XPO1: variants seen among roughly 807,000 people sequenced by gnomAD.
XPO1 encodes exportin 1, also known as exportin-1.
In XPO1, 5 loss-of-function variants were observed where a neutral mutation model predicts 133.3. The observed-to-expected ratio is 0.04, with a 90% CI of 0.02 to 0.08. The LOEUF (loss-of-function observed/expected upper bound fraction) is 0.08. Ranked by LOEUF, XPO1 falls within the 10% of genes least tolerant of loss-of-function variation. XPO1 has a pLI of 1.00. For missense variants in XPO1, 506 were observed against 1,267.5 expected, an observed-to-expected ratio of 0.40 and a Z score of 9.12; for synonymous variants, 419 against 408.2, an observed-to-expected ratio of 1.03 and a Z score of -0.32.
At chr2:61,506,772 GA>G (rs1176729826) in intron 4 of XPO1, among the ~76,000 whole-genome samples, 1 of 152,018 alleles carries the variant, frequency 6.6e-6, no homozygotes, top group African/African-American at 2.4e-5. Context: ...CTAAGTAGCA[GA>G]AACAGCTCAG....
At chr2:61,494,973 C>G (rs1195609707) in intron 11 of XPO1, among the ~76,000 whole-genome samples, 1 of 151,786 alleles carries the variant, frequency 6.6e-6, no homozygotes, top group Non-Finnish European at 1.5e-5. Context: ...TCCTGAGGAG[C>G]TGGGATTACA....
intron 19 of XPO1, among the ~76,000 whole-genome samples, chr2:61,487,151 A>ATTG (rs1696735814): frequency 1.3e-5 from 2 of 152,090 alleles, no homozygotes; most frequent in South Asian, 4.2e-4. Context: ...AAGTGCTGGG[A>ATTG]TTACAGGCAT....
At chr2:61,525,220 A>G (rs2104773624) in intron 3 of XPO1, 4 of 976,894 alleles carry the variant, frequency 4.1e-6, no homozygotes, top group Non-Finnish European at 4.9e-6. Flanking sequence ...CCCATGAAAC[A>G]AAAACAATTG....
chr2:61,523,218 G>A (rs1698772200), intron 3 of XPO1, among the ~76,000 whole-genome samples: 1 of 152,102 alleles, frequency 6.6e-6, no homozygotes, highest in African/African-American at 2.4e-5. Flanking sequence ...GACAACCCAT[G>A]GGTTTATTTT....
intron 4 of XPO1, among the ~76,000 whole-genome samples, chr2:61,513,495 T>C (rs906528789): frequency 6.6e-5 from 10 of 151,830 alleles, no homozygotes; most frequent in Admixed American, 4.6e-4. Flanking sequence ...CAGCTAATTT[T>C]TGTATCTTTA....
chr2:61,487,616 T>C (rs939341559), intron 19 of XPO1, among the ~76,000 whole-genome samples: 19 of 152,004 alleles, frequency 1.2e-4, no homozygotes, highest in South Asian at 2.1e-4. Context: ...CAAGGCTCAA[T>C]TGAATAACAA....
intron 7 of XPO1, among the ~76,000 whole-genome samples, chr2:61,499,473 A>T (rs902769840): frequency 6.6e-6 from 1 of 152,222 alleles, no homozygotes; most frequent in African/African-American, 2.4e-5. Context: ...AGAACCTATT[A>T]AACTAGTTAC....
Position 61,488,820 on chromosome 2 carries a change from G to A in XPO1, c.2023-49C>T, listed in dbSNP as rs116616347. On this transcript the variant is annotated intron_variant, in intron 17 of 24. Transcript: ENST00000401558. ...CATTTATCATATAAGAATTATCCAC[G>A]GCTGGGAACAGTGGCTCACGCCTGT... 2.9e-3 allele frequency: 4,529 copies of A among 1,589,118 alleles called. 99 individuals carry two copies. In the African/African-American group the frequency reaches 0.05, roughly 17 times the overall value.
intron 3 of XPO1, among the ~76,000 whole-genome samples, chr2:61,524,327 T>C (rs1234494419): frequency 6.6e-6 from 1 of 152,238 alleles, no homozygotes; most frequent in East Asian, 1.9e-4. Context: ...TTTACATTTT[T>C]AATGGAAAGA....
In XPO1 at chr2:61,499,829, C is replaced by G. The variant is rs770545697; in HGVS notation, c.474G>C (p.Arg158Ser). The change falls in exon 7 of 25, where the codon AGG becomes AGC. Residue 158 changes from arginine (R) to serine (S), a missense_variant. Arg to Ser is a moderately radical substitution (Grantham distance 110, BLOSUM62 -1). Transcript: ENST00000401558. ...TATTTTGACAGAGACTTTCGCTGGT[C>G]CTACTTGCTCCAACAATATCACTGA... ...TFISDIVGAS[R>S]TSESLCQNNM... is the part of the protein sequence containing the mutation. The G allele has an allele frequency of 2.5e-6, 4 of 1,613,058 alleles. No individual in the cohort carries two copies. Among genetic ancestry groups the G allele is most frequent in the Non-Finnish European group, 3.4e-6 (4 of 1,179,802 alleles).
chr2:61,524,340 C>T (rs1235439962), intron 3 of XPO1, among the ~76,000 whole-genome samples: 1 of 152,148 alleles, frequency 6.6e-6, no homozygotes, highest in African/African-American at 2.4e-5. Context: ...TGGAAAGACA[C>T]TGTCCTTTCT....
chr2:61,499,689 T>G (rs1471212090), intron 7 of XPO1, 24 bp downstream of exon 7: 1 of 1,551,058 alleles, frequency 6.4e-7, no homozygotes, highest in Non-Finnish European at 8.7e-7. Context: ...CACTTTAAAA[T>G]TCTAAAACAT....
rs2104433475 is a variant in XPO1 at position 61,492,494 on chromosome 2, C to G, written c.1567-13G>C. 6.3e-7 allele frequency: 1 copy of G among 1,586,892 alleles called. No individual in the cohort carries two copies. Among genetic ancestry groups the G allele is most frequent in the Non-Finnish European group, 8.5e-7 (1 of 1,171,044 alleles). On this transcript the variant is annotated splice_polypyrimidine_tract_variant and intron_variant, in intron 14 of 24. Coordinates refer to ENST00000401558, the MANE Select transcript of XPO1 (RefSeq NM_003400.4). This position sits in a 1 kb window ranked among gnomAD's most constrained non-coding sequence, Gnocchi z 5.6. ...ATCCTAATAGATCCTGTAAATAAGA[C>G]AAATTTGTATTATTTATTGTAACAA...
In XPO1 at chr2:61,483,054, T is replaced by A; in HGVS notation, c.2715A>T (p.Ala905=). The A allele has an allele frequency of 6.2e-7, 1 of 1,613,550 alleles. No individual in the cohort carries two copies. The highest frequency in any genetic ancestry group is 2.2e-5 in the East Asian group (1 of 44,870). ...QILFTLLQNV[A]QEEAAAQSFY... ...AACTCTGAGCTGCAGCTTCTTCTTG[T>A]GCAACATTTTGTAAGAGTGTAAAAA... Residue 905 remains alanine (A), a synonymous_variant, in exon 22 of 25, where the codon GCA becomes GCT. Coordinates refer to ENST00000401558, the MANE Select transcript of XPO1 (RefSeq NM_003400.4).
At chr2:61,487,435 A>G (rs1573114623) in intron 19 of XPO1, among the ~76,000 whole-genome samples, 1 of 152,196 alleles carries the variant, frequency 6.6e-6, no homozygotes, top group East Asian at 1.9e-4. Context: ...TAAGTATTCC[A>G]CAAGAATTAT....
At position 61,498,852 on chromosome 2, in the gene XPO1, T is replaced by G. The variant is rs371722053; in HGVS notation, c.639+13A>C. 3.7e-4 allele frequency: 591 copies of G among 1,605,446 alleles called. No individual in the cohort carries two copies. The highest frequency in any genetic ancestry group is 4.8e-4 in the Non-Finnish European group (564 of 1,176,254). ...CTATTATTGTTTTTAAAAATGAAAT[T>G]AAAAACACTTACCATTACAAACTGA... is the stretch of plus-strand genomic sequence containing the variant. On this transcript the variant is annotated intron_variant, in intron 8 of 24. Coordinates refer to ENST00000401558, the MANE Select transcript of XPO1 (RefSeq NM_003400.4).
In XPO1 at chr2:61,483,102, T is replaced by G. The variant is rs778535977; in HGVS notation, c.2678-11A>C. The stretch of plus-strand genomic sequence containing the variant: ...AAAGTATCTGTAAGCCTAAAAGACA[T>G]AGAATACCAATGGAAAGTTACTACA... On this transcript the variant is annotated splice_polypyrimidine_tract_variant and intron_variant, in intron 21 of 24. Transcript: ENST00000401558. The G allele has an allele frequency of 7.5e-6, 12 of 1,604,104 alleles. No homozygotes were observed. Among genetic ancestry groups the G allele is most frequent in the Non-Finnish European group, 7.7e-6 (9 of 1,175,526 alleles).
At chr2:61,503,054 C>T (rs1472820083) in intron 4 of XPO1, among the ~76,000 whole-genome samples, 1 of 151,570 alleles carries the variant, frequency 6.6e-6, no homozygotes, top group Non-Finnish European at 1.5e-5. Context: ...CAACCTCTGC[C>T]TCCCAGGTTC....
intron 4 of XPO1, among the ~76,000 whole-genome samples, chr2:61,514,508 G>A (rs541260188): frequency 3.3e-5 from 5 of 151,180 alleles, no homozygotes; most frequent in East Asian, 1.9e-4. Flanking sequence ...CAGGAGAATC[G>A]CTTGAACCCG....
Sources: gnomAD v4.1 joint callset for allele counts (sites outside exome capture counted in the v4.1 genomes callset) on GRCh38, gnomAD v4.1.1 for gene constraint, Gnocchi (gnomAD v3.1) non-coding constraint, MANE v1.5 for transcripts, NCBI Gene and HGNC (gene_info 2026-07-23, HGNC 2026-07-21) for gene names.